SLC8A1: variants seen among roughly 807,000 people sequenced by gnomAD.
The protein encoded by SLC8A1 is solute carrier family 8 member A1.
In SLC8A1, 18 loss-of-function variants were observed where a neutral mutation model predicts 68.3. The ratio of observed to expected loss-of-function variants is 0.26; its 90% CI spans 0.18 to 0.39. SLC8A1 has a LOEUF of 0.39. Ranked by LOEUF, SLC8A1 falls within the 10% of genes least tolerant of loss-of-function variation. The probability of loss-of-function intolerance (pLI) is 1.00; values close to 1 mark genes in which losing one functional copy is unlikely to be tolerated. For synonymous variants in SLC8A1, 475 were observed against 415.5 expected, an observed-to-expected ratio of 1.14 and a Z score of -1.74; for missense variants, 985 against 1,156.7, an observed-to-expected ratio of 0.85 and a Z score of 2.15.
At chr2:40,296,023 T>C (rs4952603) in intron 2 of SLC8A1, among the ~76,000 whole-genome samples, 38,842 of 151,738 alleles carry the variant, frequency 0.26, 5,118 homozygotes, top group East Asian at 0.38. Context: ...TTGAGAATTG[T>C]GTTTATTGTC....
At chr2:40,287,155 G>A (rs753929560) in intron 2 of SLC8A1, among the ~76,000 whole-genome samples, 18 of 152,294 alleles carry the variant, frequency 1.2e-4, no homozygotes, top group Admixed American at 2.0e-4. Context: ...GACTCATCAT[G>A]TTACCAGTCT....
chr2:40,175,311 A>G (rs1305971439), intron 3 of SLC8A1, 30 bp from the exon 4 acceptor site: 1 of 1,606,440 alleles, frequency 6.2e-7, no homozygotes, highest in African/African-American at 1.3e-5. Context: ...AGACAAACAC[A>G]GAATAAGAGA....
chr2:40,399,676 C>A (rs1225877955), intron 2 of SLC8A1, among the ~76,000 whole-genome samples: 2 of 152,018 alleles, frequency 1.3e-5, no homozygotes, highest in East Asian at 3.9e-4. Context: ...AAGTAAATAG[C>A]CCCTGTCATT....
chr2:40,468,711 C>G (rs769891701), intron 1 of SLC8A1, among the ~76,000 whole-genome samples: 1 of 152,068 alleles, frequency 6.6e-6, no homozygotes, highest in African/African-American at 2.4e-5. Context: ...TTTAGCTTCA[C>G]CAGTTGTCAA....
chr2:40,378,011 C>G (rs1416058672), intron 2 of SLC8A1, among the ~76,000 whole-genome samples: 1 of 152,140 alleles, frequency 6.6e-6, no homozygotes, highest in Non-Finnish European at 1.5e-5. Flanking sequence ...TACTCTTTGT[C>G]ATCCATTCAT....
intron 2 of SLC8A1, among the ~76,000 whole-genome samples, chr2:40,286,290 A>G (rs917674336): frequency 1.7e-4 from 26 of 152,178 alleles, no homozygotes; most frequent in African/African-American, 5.5e-4. Context: ...TCTTCTGTTC[A>G]GCTGTTCCTT....
At chr2:40,455,361 T>C (rs1369860050), upstream of SLC8A1, among the ~76,000 whole-genome samples, 1 of 152,196 alleles carries the variant, frequency 6.6e-6, no homozygotes, top group Non-Finnish European at 1.5e-5. Flanking sequence ...TTAAATTCCT[T>C]TCATTTTTAC....
intron 4 of SLC8A1, among the ~76,000 whole-genome samples, chr2:40,166,469 G>C (rs2046573057): frequency 6.6e-6 from 1 of 152,160 alleles, no homozygotes; most frequent in South Asian, 2.1e-4. Flanking sequence ...AAATAAATTA[G>C]TTGCAGACTA....
chr2:40,299,123 T>A (rs1370405667), intron 2 of SLC8A1, among the ~76,000 whole-genome samples: 2 of 152,150 alleles, frequency 1.3e-5, no homozygotes, highest in Non-Finnish European at 2.9e-5. Flanking sequence ...GATTTGAGGT[T>A]GGCAAGTGTC....
intron 2 of SLC8A1, among the ~76,000 whole-genome samples, chr2:40,415,336 A>G (rs1012807649): frequency 6.6e-6 from 1 of 152,056 alleles, no homozygotes; most frequent in African/African-American, 2.4e-5. Flanking sequence ...CAGAGGCAAC[A>G]CTTTGCTCAC....
At chr2:40,174,768 C>T (rs2048175668) in intron 4 of SLC8A1, 48 bp from the exon 6 acceptor site, 1 of 1,586,920 alleles carries the variant, frequency 6.3e-7, no homozygotes, top group Non-Finnish European at 8.6e-7. Flanking sequence ...AATGTAATAA[C>T]ATCTGGTGAG....
At chr2:40,331,571 C>T (rs1039876394) in intron 2 of SLC8A1, among the ~76,000 whole-genome samples, 5 of 151,690 alleles carry the variant, frequency 3.3e-5, no homozygotes, top group African/African-American at 1.2e-4. Flanking sequence ...ATTAGGGTGG[C>T]TTTTTATTTA....
At chr2:40,158,521 G>C (rs2045034075) in intron 6 of SLC8A1, among the ~76,000 whole-genome samples, 1 of 152,146 alleles carries the variant, frequency 6.6e-6, no homozygotes, top group Non-Finnish European at 1.5e-5. Flanking sequence ...ATGACAAGAA[G>C]ACTTGAGAGG....
chr2:40,497,741 A>G (rs1436805774), intron 1 of SLC8A1, among the ~76,000 whole-genome samples: 1 of 152,094 alleles, frequency 6.6e-6, no homozygotes, highest in Non-Finnish European at 1.5e-5. Flanking sequence ...CTAGCAATTG[A>G]TAATAACTGG....
intron 2 of SLC8A1, chr2:40,251,037 C>T (rs2062667625): frequency 6.6e-6 from 1 of 151,984 alleles, no homozygotes; most frequent in Non-Finnish European, 1.5e-5. Context: ...TAGCAAGTTC[C>T]AATCAAGAAG....
intron 4 of SLC8A1, among the ~76,000 whole-genome samples, chr2:40,172,513 C>T (rs1272707356): frequency 1.3e-5 from 2 of 151,410 alleles, no homozygotes; most frequent in Non-Finnish European, 2.9e-5. Context: ...GTGGCCGAGG[C>T]AGGAAAAGTT....
chr2:40,377,411 T>C (rs1240646865), intron 2 of SLC8A1, among the ~76,000 whole-genome samples: 1 of 152,138 alleles, frequency 6.6e-6, no homozygotes, highest in Non-Finnish European at 1.5e-5. Context: ...CATGGTCTTC[T>C]AATCCATGGA....
intron 1 of SLC8A1, among the ~76,000 whole-genome samples, chr2:40,477,382 G>T (rs767655343): frequency 6.6e-6 from 1 of 152,074 alleles, no homozygotes; most frequent in Non-Finnish European, 1.5e-5. Context: ...TGTGCTTCTG[G>T]TTATTTGTCT....
chr2:40,318,945 G>A (rs563819467), intron 2 of SLC8A1, among the ~76,000 whole-genome samples: 1 of 152,104 alleles, frequency 6.6e-6, no homozygotes, highest in South Asian at 2.1e-4. Context: ...AGATGTTACT[G>A]TTACTAGAAT....
Sources: gnomAD v4.1 joint callset for allele counts (sites outside exome capture counted in the v4.1 genomes callset) on GRCh38, gnomAD v4.1.1 for gene constraint, MANE v1.5 for transcripts, NCBI Gene and HGNC (gene_info 2026-07-23, HGNC 2026-07-21) for gene names.